The following MTSS1 variants were observed in gnomAD, a reference collection of about 807,000 sequenced individuals.
MTSS1 encodes the protein MTSS I-BAR domain containing 1.
MTSS1 carries 18 observed loss-of-function variants against 79.0 expected under a neutral mutation model. The ratio of observed to expected loss-of-function variants is 0.23; its 90% CI spans 0.16 to 0.34. The LOEUF (loss-of-function observed/expected upper bound fraction) is 0.34, where lower values mean the gene tolerates loss of function less well. Among genes scored for constraint, MTSS1 ranks in the 10% least tolerant of loss-of-function variants. MTSS1 has a pLI of 1.00. For missense variants in MTSS1, 815 were observed against 986.2 expected, an observed-to-expected ratio of 0.83 and a Z score of 2.33; for synonymous variants, 341 against 368.6, an observed-to-expected ratio of 0.93 and a Z score of 0.86.
Position 124,586,032 on chromosome 8 carries a change from C to T in MTSS1, c.386-871G>A, listed in dbSNP as rs374519294. 1.5e-3 allele frequency among the ~76,000 whole-genome samples: 228 copies of T among 152,262 alleles called. No homozygotes were observed. In the Middle Eastern group the frequency reaches 0.017, roughly 11 times the overall value. ...AGGGGCAGTCCAAGTGCACCACATC[C>T]CCTGCCAAGCACTTCCTCCTCCACC... On this transcript the variant is annotated intron_variant, in intron 5 of 13. Transcript: ENST00000518547.
chr8:124,641,355 A>C (rs1483760025), intron 3 of MTSS1, among the ~76,000 whole-genome samples: 2 of 152,228 alleles, frequency 1.3e-5, no homozygotes, highest in African/African-American at 4.8e-5. Flanking sequence ...GAAAAGAATA[A>C]AAGGATTGAG....
intron 3 of MTSS1, among the ~76,000 whole-genome samples, chr8:124,601,465 G>A (rs772960986): frequency 3.9e-5 from 6 of 152,170 alleles, no homozygotes; most frequent in Admixed American, 3.9e-4. Flanking sequence ...TCCAGGGCTC[G>A]GGACTGTGTC....
At chr8:124,701,057 A>C (rs1228859587) in intron 2 of MTSS1, among the ~76,000 whole-genome samples, 1 of 152,024 alleles carries the variant, frequency 6.6e-6, no homozygotes, top group Non-Finnish European at 1.5e-5. Flanking sequence ...CTAAGACTCC[A>C]TTCTCTACAC....
chr8:124,682,766 G>A (rs575814402), intron 3 of MTSS1, among the ~76,000 whole-genome samples: 1 of 152,310 alleles, frequency 6.6e-6, no homozygotes, highest in East Asian at 1.9e-4. Flanking sequence ...ATGACCCAGT[G>A]TAGACATTGT....
chr8:124,681,652 G>A (rs926606581), intron 3 of MTSS1, among the ~76,000 whole-genome samples: 1 of 152,144 alleles, frequency 6.6e-6, no homozygotes, highest in Non-Finnish European at 1.5e-5. Flanking sequence ...GCCGGGTGTG[G>A]TGGCAGGTGC....
chr8:124,687,092 T>TA (rs1387994735), intron 3 of MTSS1, among the ~76,000 whole-genome samples: 1 of 152,184 alleles, frequency 6.6e-6, no homozygotes, highest in Non-Finnish European at 1.5e-5. Context: ...CTGAGCTCAC[T>TA]AAATAGCACA....
Position 124,565,763 on chromosome 8 carries a change from A to AG in MTSS1, c.727-5dup, listed in dbSNP as rs1456701586. 1 of 1,609,868 alleles carries AG rather than the reference A, an allele frequency of 6.2e-7. No homozygotes were observed. On this transcript the variant is annotated splice_region_variant and splice_polypyrimidine_tract_variant and intron_variant, in intron 8 of 13. Transcript: ENST00000518547. ...AACCTTTCAAGTCCAGAATCACCTA[A>AG]GGGGACAGAGCCAGCTGGGTGAATG...
At chr8:124,718,527 C>T (rs996995980) in intron 1 of MTSS1, among the ~76,000 whole-genome samples, 10 of 152,054 alleles carry the variant, frequency 6.6e-5, no homozygotes, top group African/African-American at 9.7e-5. Flanking sequence ...TGCTGCCGAG[C>T]GGGCTTTGAA....
At chr8:124,707,236 C>G (rs73345867) in intron 1 of MTSS1, among the ~76,000 whole-genome samples, 1,956 of 152,000 alleles carry the variant, frequency 0.013, 36 homozygotes, top group African/African-American at 0.045. Flanking sequence ...ATTATTAAGA[C>G]GATCAAAGTA....
chr8:124,707,742 G>C (rs750618383), intron 1 of MTSS1, among the ~76,000 whole-genome samples: 17 of 152,016 alleles, frequency 1.1e-4, no homozygotes, highest in Non-Finnish European at 1.6e-4. Context: ...TGGGTGCTGT[G>C]GCACATGCCT....
At chr8:124,567,560 T>A (rs770787148) in intron 7 of MTSS1, 1 of 1,309,178 alleles carries the variant, frequency 7.6e-7, no homozygotes, top group Non-Finnish European at 9.9e-7. Flanking sequence ...TGACACGACT[T>A]GGATATATTT....
At position 124,728,059 on chromosome 8, in the gene MTSS1, C is replaced by A; in HGVS notation, c.-104G>T. ...AAGGAATTTCACCTTCCGAGAGACC[C>A]ACCTCGGACTCGCAGCCTCTTCTGC... On this transcript the variant is annotated 5_prime_UTR_variant, in exon 1 of 14. Transcript: ENST00000518547. The surrounding 1 kb of genome is among the most constrained non-coding windows in gnomAD (Gnocchi z 6.1). 1 of 955,706 alleles carries A rather than the reference C, an allele frequency of 1.0e-6. No homozygotes were observed. The highest frequency in any genetic ancestry group is 1.6e-6 in the Non-Finnish European group (1 of 629,662). The allele number at this position is 955,706 out of a possible 1,614,324, so 59.2% of individuals were successfully genotyped here.
chr8:124,596,784 T>C (rs949346767), intron 3 of MTSS1, among the ~76,000 whole-genome samples: 2 of 152,176 alleles, frequency 1.3e-5, no homozygotes. Context: ...ATTCCTTGGC[T>C]TGCAGCTGCA....
intron 3 of MTSS1, among the ~76,000 whole-genome samples, chr8:124,687,745 C>A (rs562367486): frequency 6.6e-6 from 1 of 152,242 alleles, no homozygotes; most frequent in Non-Finnish European, 1.5e-5. Context: ...TGTTTACTAT[C>A]GCCTCCACAA....
intron 3 of MTSS1, among the ~76,000 whole-genome samples, chr8:124,692,340 GC>G (rs1282608109): frequency 6.6e-6 from 1 of 151,378 alleles, no homozygotes; most frequent in Non-Finnish European, 1.5e-5. Flanking sequence ...TATCATATGT[GC>G]CCCCATAACA....
At position 124,683,680 on chromosome 8, in the gene MTSS1, G is replaced by A. The variant is rs147529653; in HGVS notation, c.208+15846C>T. Among the ~76,000 whole-genome samples the A allele has an allele frequency of 4.3e-3, 657 of 152,316 alleles. No homozygotes were observed. Among genetic ancestry groups the A allele is most frequent in the Non-Finnish European group, 7.6e-3 (518 of 68,022 alleles). ...AAATCTGTCAAGACACAGGGCGGGT[G>A]GAAACATCAGAAACCATCTTACTGA... On this transcript the variant is annotated intron_variant, in intron 3 of 13. Coordinates refer to ENST00000518547, the MANE Select transcript of MTSS1 (RefSeq NM_014751.6). This position sits in a 1 kb window ranked among gnomAD's most constrained non-coding sequence, Gnocchi z 4.5.
intron 2 of MTSS1, among the ~76,000 whole-genome samples, chr8:124,700,433 C>T (rs564702395): frequency 6.6e-6 from 1 of 152,258 alleles, no homozygotes; most frequent in East Asian, 1.9e-4. Context: ...ACAAGTATCC[C>T]AGCCTCATGA....
chr8:124,618,125 G>A (rs555168997), intron 3 of MTSS1, among the ~76,000 whole-genome samples: 1 of 152,220 alleles, frequency 6.6e-6, no homozygotes, highest in South Asian at 2.1e-4. Flanking sequence ...ACCTGCCTGG[G>A]GTCACACAGC....
intron 3 of MTSS1, among the ~76,000 whole-genome samples, chr8:124,606,013 C>G (rs558892354): frequency 7.3e-6 from 1 of 136,146 alleles, no homozygotes; most frequent in South Asian, 2.3e-4. Flanking sequence ...GTTGTCCAGG[C>G]TAGAGTGCTG....
Sources: gnomAD v4.1 joint callset for allele counts (sites outside exome capture counted in the v4.1 genomes callset) on GRCh38, gnomAD v4.1.1 for gene constraint, Gnocchi (gnomAD v3.1) non-coding constraint, MANE v1.5 for transcripts, NCBI Gene and HGNC (gene_info 2026-07-23, HGNC 2026-07-21) for gene names.